The following SCML4 variants were observed in gnomAD, a reference collection of about 807,000 sequenced individuals.
The protein encoded by SCML4 is sex comb on midleg-like protein 4.
SCML4 carries 34 observed loss-of-function variants against 41.1 expected under a neutral mutation model. The ratio of observed to expected loss-of-function variants is 0.83; its 90% CI spans 0.63 to 1.10. SCML4 has a LOEUF of 1.10. SCML4 is among the 50% of genes least tolerant of loss of function. SCML4 has a pLI of 0.00. For missense variants in SCML4, 522 were observed against 534.1 expected (o/e 0.98, Z 0.22); for synonymous variants, 214 against 220.9 (o/e 0.97, Z 0.28).
intron 5 of SCML4, among the ~76,000 whole-genome samples, chr6:107,740,786 C>T (rs77646023): frequency 1.3e-5 from 2 of 152,330 alleles, no homozygotes; most frequent in African/African-American, 4.8e-5. Context: ...CCAAAGAACA[C>T]ATGTAAAAGC....
intron 2 of SCML4, among the ~76,000 whole-genome samples, chr6:107,766,720 G>A (rs978265196): frequency 6.6e-6 from 1 of 152,220 alleles, no homozygotes; most frequent in Admixed American, 6.5e-5. Context: ...AGCCCTGGGT[G>A]CATGGGCACT....
intron 1 of SCML4, among the ~76,000 whole-genome samples, chr6:107,790,925 C>G (rs547513274): frequency 6.6e-6 from 1 of 152,142 alleles, no homozygotes; most frequent in East Asian, 1.9e-4. Flanking sequence ...CAAAAATTAG[C>G]CAGACATGGT....
intron 5 of SCML4, among the ~76,000 whole-genome samples, chr6:107,734,930 C>CAGTG (rs1776909669): frequency 1.3e-5 from 2 of 152,168 alleles, no homozygotes; most frequent in African/African-American, 4.8e-5. Flanking sequence ...GGCTGGAATG[C>CAGTG]AGTGGCACAA....
At chr6:107,814,278 T>C (rs1784408677) in intron 1 of SCML4, among the ~76,000 whole-genome samples, 2 of 152,258 alleles carry the variant, frequency 1.3e-5, no homozygotes, top group Admixed American at 1.3e-4. Flanking sequence ...GTGGAGCCAC[T>C]TAATTCAAGT....
intron 5 of SCML4, among the ~76,000 whole-genome samples, chr6:107,732,701 C>T (rs553546240): frequency 6.6e-6 from 1 of 152,208 alleles, no homozygotes; most frequent in Admixed American, 6.5e-5. Context: ...CATATGATCT[C>T]GCAGCTTTGC....
At chr6:107,759,633 T>C (rs1200360359) in intron 2 of SCML4, among the ~76,000 whole-genome samples, 1 of 152,210 alleles carries the variant, frequency 6.6e-6, no homozygotes, top group African/African-American at 2.4e-5. Context: ...ATGTTAGTTA[T>C]AAAACACTAG....
chr6:107,709,456 C>T (rs540799385), intron 6 of SCML4, among the ~76,000 whole-genome samples: 57 of 152,320 alleles, frequency 3.7e-4, no homozygotes, highest in African/African-American at 1.3e-3. Flanking sequence ...CCGCCAAGGG[C>T]GGGAGCCTCC....
In SCML4 at chr6:107,778,225, ATATATATATATATATATATAT is replaced by A. The variant is rs1562248943; in HGVS notation, c.-59-5860_-59-5840del. 8.0e-3 allele frequency among the ~76,000 whole-genome samples: 51 copies of A among 6,336 alleles called. 2 individuals carry two copies. The highest frequency in any genetic ancestry group is 0.015 in the Non-Finnish European group (36 of 2,446). The allele number at this position is 6,336 out of a possible 152,430, so 4.2% of individuals were successfully genotyped here. ...AAAAAAAAAAAAAAAAAAAAAAAAT[ATATATATATATATATATATAT>A]ATATATATATATATATATAACTTGA... On this transcript the variant is annotated intron_variant, in intron 1 of 7. Transcript: ENST00000369020.
intron 1 of SCML4, among the ~76,000 whole-genome samples, chr6:107,775,143 T>C (rs1780834232): frequency 1.3e-5 from 2 of 152,180 alleles, no homozygotes; most frequent in African/African-American, 4.8e-5. Flanking sequence ...AGCCAGAAGA[T>C]AATGGAGTCA....
At chr6:107,738,921 C>A (rs1209680070) in intron 5 of SCML4, among the ~76,000 whole-genome samples, 3 of 152,128 alleles carry the variant, frequency 2.0e-5, no homozygotes, top group Non-Finnish European at 4.4e-5. Context: ...TAACAAGTCA[C>A]ACATATTTGT....
At chr6:107,825,992 T>C (rs990936596), upstream of SCML4, among the ~76,000 whole-genome samples, 1 of 145,914 alleles carries the variant, frequency 6.9e-6, no homozygotes, top group African/African-American at 2.5e-5. Context: ...TGGTGGCTCA[T>C]GCCTGTAATC....
chr6:107,822,249 G>A (rs1784994575), intron 1 of SCML4, among the ~76,000 whole-genome samples: 2 of 152,086 alleles, frequency 1.3e-5, no homozygotes, highest in African/African-American at 4.8e-5. Context: ...AGTTCTTGCA[G>A]CAAGTGACAG....
At chr6:107,834,233 A>G in the SCML4 span, among the ~76,000 whole-genome samples, 2 of 152,190 alleles carry the variant, frequency 1.3e-5, no homozygotes, top group African/African-American at 4.8e-5. Context: ...GGGAGGACTA[A>G]AAACAAGACT....
At chr6:107,745,245 T>C (rs1777971121) in intron 4 of SCML4, 102 bp from the exon 5 acceptor site, 2 of 838,034 alleles carry the variant, frequency 2.4e-6, no homozygotes, top group Non-Finnish European at 3.7e-6. Flanking sequence ...TTTGTTTTGT[T>C]GCTAAGCAGA....
chr6:107,721,100 T>G, intron 5 of SCML4, 107 bp from the exon 6 acceptor site: 2 of 1,364,962 alleles, frequency 1.5e-6, no homozygotes, highest in Admixed American at 5.5e-5. Context: ...TAGCCAGTAT[T>G]TGTGAGCATG....
At chr6:107,765,330 C>T (rs1451206598) in intron 2 of SCML4, among the ~76,000 whole-genome samples, 3 of 152,110 alleles carry the variant, frequency 2.0e-5, no homozygotes, top group Non-Finnish European at 4.4e-5. Flanking sequence ...CTCTGATCCC[C>T]CAGGGGCTGG....
chr6:107,782,751 G>A (rs1781613651), intron 1 of SCML4, among the ~76,000 whole-genome samples: 1 of 151,544 alleles, frequency 6.6e-6, no homozygotes, highest in Admixed American at 6.6e-5. Flanking sequence ...CCTGATGGGA[G>A]GTGCTGGTCT....
chr6:107,707,766 A>G (rs1005906276), intron 7 of SCML4, 100 bp downstream of exon 7: 2 of 1,470,488 alleles, frequency 1.4e-6, no homozygotes, highest in Admixed American at 3.9e-5. Flanking sequence ...GCACCCCTCC[A>G]CCACCTCCCC....
chr6:107,808,737 G>C (rs958513793), intron 1 of SCML4, among the ~76,000 whole-genome samples: 2 of 152,180 alleles, frequency 1.3e-5, no homozygotes, highest in African/African-American at 4.8e-5. Context: ...TTTTGCATAT[G>C]TTTTATAATG....
Sources: allele counts gnomAD v4.1 joint callset (sites outside exome capture counted in the v4.1 genomes callset), GRCh38; gene constraint gnomAD v4.1.1; transcripts MANE v1.5; gene names NCBI Gene and HGNC (gene_info 2026-07-23, HGNC 2026-07-21).